Variants in CA10 observed in about 807,000 individuals in gnomAD.
CA10 encodes carbonic anhydrase 10 (inactive).
In CA10, 14 loss-of-function variants were observed where a neutral mutation model predicts 44.2. The ratio of observed to expected loss-of-function variants is 0.32; its 90% confidence interval spans 0.21 to 0.50. CA10 has a LOEUF of 0.50. CA10 is among the 20% of genes least tolerant of loss of function. The pLI is 0.99. For missense variants in CA10, 350 were observed against 409.7 expected, an observed-to-expected ratio of 0.85 and a Z score of 1.26; for synonymous variants, 159 against 141.6, an observed-to-expected ratio of 1.12 and a Z score of -0.87.
chr17:51,904,029 T>C lies in CA10; in HGVS notation c.279+26961A>G, dbSNP rs1376944509. On this transcript the variant is annotated intron_variant, in intron 3 of 8. Transcript: ENST00000451037. ...ATGTATGTGGGACTAGAAGCAGGCA[T>C]GTTTGAAGTAAATACAGTTTCTGTT... 4.0e-5 allele frequency among the ~76,000 whole-genome samples: 6 copies of C among 151,740 alleles called. No homozygotes were observed. In the South Asian group the frequency reaches 8.3e-4, roughly 21 times the overall value.
intron 2 of CA10, among the ~76,000 whole-genome samples, chr17:52,002,791 C>T (rs1033223389): frequency 5.9e-5 from 9 of 151,852 alleles, no homozygotes; most frequent in Non-Finnish European, 7.4e-5. Flanking sequence ...ATATAAGCAT[C>T]GCAAGAAGCC....
At chr17:51,776,344 C>T (rs8076432) in intron 3 of CA10, among the ~76,000 whole-genome samples, 13,877 of 151,906 alleles carry the variant, frequency 0.091, 1,106 homozygotes, top group African/African-American at 0.22. Flanking sequence ...CACTGCACCC[C>T]AGCCTCAGCA....
At chr17:51,680,686 A>G (rs1914814819) in intron 4 of CA10, among the ~76,000 whole-genome samples, 2 of 152,212 alleles carry the variant, frequency 1.3e-5, no homozygotes, top group Admixed American at 6.5e-5. Context: ...AGTGGGATGC[A>G]GAAGACTATA....
At chr17:51,940,574 G>C (rs927555025) in intron 2 of CA10, among the ~76,000 whole-genome samples, 1 of 151,652 alleles carries the variant, frequency 6.6e-6, no homozygotes, top group African/African-American at 2.4e-5. Flanking sequence ...GGGGAAATTT[G>C]CTCTTTTAAT....
chr17:51,778,123 C>G (rs935063256), intron 3 of CA10, among the ~76,000 whole-genome samples: 1 of 152,102 alleles, frequency 6.6e-6, no homozygotes, highest in Admixed American at 6.5e-5. Context: ...AGAGAGCTGT[C>G]TTGGGTAAAG....
intron 2 of CA10, among the ~76,000 whole-genome samples, chr17:51,996,718 T>C (rs1985249814): frequency 6.6e-6 from 1 of 152,040 alleles, no homozygotes; most frequent in African/African-American, 2.4e-5. Context: ...GCTTATTCAG[T>C]TGATCAGAAA....
At chr17:52,052,423 A>T (rs923793591) in intron 2 of CA10, among the ~76,000 whole-genome samples, 6 of 151,944 alleles carry the variant, frequency 3.9e-5, no homozygotes, top group Non-Finnish European at 8.8e-5. Context: ...TTGGTATGAA[A>T]AGAGGACTCA....
At chr17:51,715,186 A>G (rs1322243652) in intron 4 of CA10, among the ~76,000 whole-genome samples, 4 of 152,044 alleles carry the variant, frequency 2.6e-5, no homozygotes, top group Non-Finnish European at 5.9e-5. Context: ...TGGACACAGG[A>G]AGCGGAACAT....
At chr17:51,726,645 G>A (rs1031855538) in intron 4 of CA10, among the ~76,000 whole-genome samples, 1 of 152,162 alleles carries the variant, frequency 6.6e-6, no homozygotes, top group African/African-American at 2.4e-5. Flanking sequence ...ACTAGGCCTT[G>A]TGTTGTTACT....
intron 4 of CA10, among the ~76,000 whole-genome samples, chr17:51,714,659 G>A (rs1318961575): frequency 6.6e-6 from 1 of 152,138 alleles, no homozygotes; most frequent in Non-Finnish European, 1.5e-5. Context: ...AATGGACTTC[G>A]GTGGTGATGG....
At chr17:51,702,237 A>G (rs1490864991) in intron 4 of CA10, among the ~76,000 whole-genome samples, 1 of 152,142 alleles carries the variant, frequency 6.6e-6, no homozygotes, top group Admixed American at 6.5e-5. Flanking sequence ...TGGTCTCTGC[A>G]TTCCAGATGA....
intron 1 of CA10, among the ~76,000 whole-genome samples, chr17:52,110,867 G>C (rs1988775426): frequency 6.6e-6 from 1 of 152,088 alleles, no homozygotes; most frequent in Non-Finnish European, 1.5e-5. Context: ...ACGAAGAATA[G>C]GGCAGTTGTG....
chr17:51,662,742 G>A (rs896205753), intron 4 of CA10, among the ~76,000 whole-genome samples: 1 of 152,152 alleles, frequency 6.6e-6, no homozygotes, highest in Non-Finnish European at 1.5e-5. Context: ...GTAGGCTATG[G>A]AATGCAATTA....
At chr17:52,105,534 A>C (rs887463506) in intron 1 of CA10, among the ~76,000 whole-genome samples, 1 of 152,136 alleles carries the variant, frequency 6.6e-6, no homozygotes, top group Non-Finnish European at 1.5e-5. Context: ...GAGCCACCAC[A>C]CCTGGCCTCA....
At chr17:51,950,552 T>C (rs918009269) in intron 2 of CA10, among the ~76,000 whole-genome samples, 8 of 152,126 alleles carry the variant, frequency 5.3e-5, no homozygotes, top group African/African-American at 1.9e-4. Context: ...CACCTCCTAT[T>C]GGGTGTCCTT....
chr17:51,808,533 C>A (rs188536335), intron 3 of CA10, among the ~76,000 whole-genome samples: 1 of 152,166 alleles, frequency 6.6e-6, no homozygotes, highest in Non-Finnish European at 1.5e-5. Context: ...TAGGGCAAGA[C>A]TCCTTGTCCC....
intron 4 of CA10, among the ~76,000 whole-genome samples, chr17:51,683,663 G>A (rs976272718): frequency 5.9e-5 from 9 of 152,258 alleles, no homozygotes; most frequent in Admixed American, 1.3e-4. Context: ...TAAGGAATTC[G>A]CGTTTATTGA....
chr17:51,927,325 G>T (rs2143985941), intron 3 of CA10, among the ~76,000 whole-genome samples: 1 of 152,278 alleles, frequency 6.6e-6, no homozygotes, highest in African/African-American at 2.4e-5. Context: ...GAGAAAAGAT[G>T]ACGGAACTGA....
At chr17:51,716,470 G>GA (rs1280450437) in intron 4 of CA10, among the ~76,000 whole-genome samples, 2 of 151,744 alleles carry the variant, frequency 1.3e-5, no homozygotes, top group African/African-American at 4.8e-5. Context: ...TTTATTCAGA[G>GA]AAAAAAAGAA....
Sources: allele counts gnomAD v4.1 joint callset (sites outside exome capture counted in the v4.1 genomes callset), GRCh38; gene constraint gnomAD v4.1.1; transcripts MANE v1.5; gene names NCBI Gene and HGNC (gene_info 2026-07-23, HGNC 2026-07-21).